The following PRUNE2 variants were observed in gnomAD, a reference collection of about 807,000 sequenced individuals.
The protein encoded by PRUNE2 is protein prune homolog 2.
Under a neutral mutation model 252.0 loss-of-function variants are expected in PRUNE2, and 164 were observed. The observed-to-expected ratio is 0.65, with a 90% CI of 0.57 to 0.74. The LOEUF is 0.74. Among genes scored for constraint, PRUNE2 ranks in the 30% least tolerant of loss-of-function variants. The probability of loss-of-function intolerance (pLI) is 0.00; values close to 1 mark genes in which losing one functional copy is unlikely to be tolerated. For missense variants in PRUNE2, 3,495 were observed against 3,711.0 expected (o/e 0.94, Z 1.51); for synonymous variants, 1,292 against 1,350.2 (o/e 0.96, Z 0.94).
intron 9 of PRUNE2, among the ~76,000 whole-genome samples, chr9:76,676,784 A>G (rs1388174398): frequency 1.3e-5 from 2 of 152,256 alleles, no homozygotes; most frequent in African/African-American, 2.4e-5. Flanking sequence ...TGTCACATCC[A>G]CTGCCACATA....
At chr9:76,782,090 T>A (rs2054476518) in intron 6 of PRUNE2, among the ~76,000 whole-genome samples, 1 of 152,124 alleles carries the variant, frequency 6.6e-6, no homozygotes, top group South Asian at 2.1e-4. Context: ...GGTGGGCACC[T>A]GTAGTCCCAG....
At chr9:76,641,292 A>G (rs536402963) in intron 12 of PRUNE2, among the ~76,000 whole-genome samples, 2,025 of 152,322 alleles carry the variant, frequency 0.013, 46 homozygotes, top group African/African-American at 0.046. Flanking sequence ...GAGCAGGAAG[A>G]AAGTAGCAGG....
intron 1 of PRUNE2, chr9:76,862,683 A>G (rs909371015): frequency 6.6e-6 from 1 of 152,142 alleles, no homozygotes; most frequent in African/African-American, 2.4e-5. Context: ...TTCATAAAAT[A>G]TGTTCATTAT....
At chr9:76,898,889 A>T (rs983995706) in intron 1 of PRUNE2, among the ~76,000 whole-genome samples, 4 of 152,176 alleles carry the variant, frequency 2.6e-5, no homozygotes, top group Non-Finnish European at 4.4e-5. Context: ...CATCCAGGAG[A>T]GTTAGATGAA....
At chr9:76,774,469 T>TATTTATTTATTTA (rs1172601108) in intron 6 of PRUNE2, among the ~76,000 whole-genome samples, 40 of 140,130 alleles carry the variant, frequency 2.9e-4, no homozygotes, top group African/African-American at 8.0e-4. Context: ...TTTTTTTTTT[T>TATTTATTTATTTA]TTTTTTTTGA....
intron 1 of PRUNE2, among the ~76,000 whole-genome samples, chr9:76,876,477 G>A (rs2061483262): frequency 6.6e-6 from 1 of 152,024 alleles, no homozygotes; most frequent in Non-Finnish European, 1.5e-5. Context: ...TTCCATGGAG[G>A]CACCTACATA....
chr9:76,660,707 G>A (rs1354374587), intron 9 of PRUNE2, among the ~76,000 whole-genome samples: 7 of 151,288 alleles, frequency 4.6e-5, no homozygotes, highest in South Asian at 2.1e-4. Context: ...ACCTGAACCC[G>A]GGAGGCGGAA....
rs79738058 is a variant in PRUNE2, at chr9:76,827,998, G to A, written c.509-1266C>T. 9.2e-5 allele frequency among the ~76,000 whole-genome samples: 14 copies of A among 152,290 alleles called. No homozygotes were observed. In the East Asian group the frequency reaches 1.5e-3, roughly 17 times the overall value. On this transcript the variant is annotated intron_variant, in intron 4 of 18. Coordinates refer to ENST00000376718, the MANE Select transcript of PRUNE2 (RefSeq NM_015225.3). ...CGGCCAGGCAGGGCTCTATGCTAAC[G>A]ATTCAAGATTAGGCTAGAGATAACC...
chr9:76,749,664 A>G (rs1050395581), intron 6 of PRUNE2, among the ~76,000 whole-genome samples: 4 of 152,150 alleles, frequency 2.6e-5, no homozygotes, highest in Non-Finnish European at 5.9e-5. Flanking sequence ...CAAAACCTCA[A>G]TGTAGATGTT....
At chr9:76,825,747 A>T (rs1342016546) in intron 5 of PRUNE2, among the ~76,000 whole-genome samples, 1 of 152,198 alleles carries the variant, frequency 6.6e-6, no homozygotes, top group African/African-American at 2.4e-5. Flanking sequence ...GGATTCAGCA[A>T]GAACATCCTT....
chr9:76,870,685 C>CAAAAAAA (rs199892073), intron 1 of PRUNE2, among the ~76,000 whole-genome samples: 7 of 82,334 alleles, frequency 8.5e-5, no homozygotes, highest in African/African-American at 2.4e-4. Flanking sequence ...GATTCTGTCT[C>CAAAAAAA]AAAAAAAAAA....
At chr9:76,834,702 G>A (rs2058857597) in intron 4 of PRUNE2, among the ~76,000 whole-genome samples, 1 of 152,104 alleles carries the variant, frequency 6.6e-6, no homozygotes, top group Admixed American at 6.5e-5. Context: ...CAAAGGAGAT[G>A]ATATACTGAT....
At chr9:76,826,835 T>A in intron 4 of PRUNE2, 103 bp from the exon 5 acceptor site, 1 of 968,980 alleles carries the variant, frequency 1.0e-6, no homozygotes, top group Non-Finnish European at 1.5e-6. Flanking sequence ...GCTTTCCATT[T>A]CTGTCTCTCA....
rs139851870 is a variant in PRUNE2 at position 76,821,664 on chromosome 9, C to T, written c.756+1968G>A. Reference sequence around the variant, plus strand: ...ACCCTTCTTTATTATACACAAATGTCCTCCTTTCCTCCAAGATCATATAAC... The same window carrying T: ...ACCCTTCTTTATTATACACAAATGTTCTCCTTTCCTCCAAGATCATATAAC... On this transcript the variant is annotated intron_variant, in intron 6 of 18. Transcript: ENST00000376718. Among the ~76,000 whole-genome samples the T allele has an allele frequency of 3.6e-3, 546 of 152,182 alleles. 4 individuals carry two copies. Among genetic ancestry groups the T allele is most frequent in the Non-Finnish European group, 5.9e-3 (400 of 67,992 alleles).
At chr9:76,640,562 G>A (rs982351418) in intron 12 of PRUNE2, among the ~76,000 whole-genome samples, 3 of 111,600 alleles carry the variant, frequency 2.7e-5, no homozygotes, top group Non-Finnish European at 6.8e-5. Flanking sequence ...TAGCTTCTCT[G>A]GATATTTTTG....
intron 6 of PRUNE2, chr9:76,788,362 T>A: frequency 1.4e-6 from 1 of 732,004 alleles, no homozygotes; most frequent in Non-Finnish European, 2.5e-6. Context: ...TTGATAGTTA[T>A]TATATATACT....
intron 9 of PRUNE2, among the ~76,000 whole-genome samples, chr9:76,671,151 T>TC (rs2041376874): frequency 1.3e-5 from 2 of 149,498 alleles, no homozygotes; most frequent in Admixed American, 6.7e-5. Flanking sequence ...GTTGAAAACT[T>TC]TGAAAAAAAT....
At chr9:76,833,761 TA>T (rs796867160) in intron 4 of PRUNE2, among the ~76,000 whole-genome samples, 37 of 142,914 alleles carry the variant, frequency 2.6e-4, no homozygotes, top group South Asian at 8.9e-4. Context: ...CAAGACTCCA[TA>T]AAAAAAAATA....
At chr9:76,738,711 G>A (rs1241829299) in intron 6 of PRUNE2, 1 of 152,194 alleles carries the variant, frequency 6.6e-6, no homozygotes, top group African/African-American at 2.4e-5. Flanking sequence ...AAAAAGTCAT[G>A]AGAGTTGAGG....
Sources: gnomAD v4.1 joint callset for allele counts (sites outside exome capture counted in the v4.1 genomes callset) on GRCh38, gnomAD v4.1.1 for gene constraint, MANE v1.5 for transcripts, NCBI Gene and HGNC (gene_info 2026-07-23, HGNC 2026-07-21) for gene names.